The following EPS8 variants were observed in gnomAD, a reference collection of about 807,000 sequenced individuals.
The protein encoded by EPS8 is epidermal growth factor receptor kinase substrate 8.
A neutral mutation model predicts 103.8 loss-of-function variants in EPS8; 42 were observed. That is an observed-to-expected ratio of 0.40 (90% CI 0.32 to 0.52). EPS8 has a LOEUF of 0.52. EPS8 is among the 20% of genes least tolerant of loss of function. The pLI, the probability that EPS8 is intolerant of heterozygous loss-of-function variation, is 0.40. For synonymous variants in EPS8, 344 were observed against 344.6 expected, an observed-to-expected ratio of 1.00 and a Z score of 0.02; for missense variants, 969 against 1,005.1, an observed-to-expected ratio of 0.96 and a Z score of 0.49.
At chr12:15,658,866 CA>C (rs1945554394) in intron 10 of EPS8, among the ~76,000 whole-genome samples, 1 of 152,122 alleles carries the variant, frequency 6.6e-6, no homozygotes. Flanking sequence ...GAGTAACTGA[CA>C]AGCCCTGCTC....
At chr12:15,650,412 G>T (rs757131183) in intron 14 of EPS8, among the ~76,000 whole-genome samples, 1 of 152,198 alleles carries the variant, frequency 6.6e-6, no homozygotes, top group Non-Finnish European at 1.5e-5. Context: ...ACAGGTTAGA[G>T]GATCTAGGTT....
intron 1 of EPS8, among the ~76,000 whole-genome samples, chr12:15,730,754 G>A (rs1332826628): frequency 1.3e-5 from 2 of 152,056 alleles, no homozygotes; most frequent in African/African-American, 2.4e-5. Flanking sequence ...GTTTCTAACC[G>A]CTGCTCATCT....
At chr12:15,703,652 T>C (rs1414736554) in intron 1 of EPS8, among the ~76,000 whole-genome samples, 1 of 151,636 alleles carries the variant, frequency 6.6e-6, no homozygotes, top group Non-Finnish European at 1.5e-5. Flanking sequence ...GACTTAATCT[T>C]TTAGGAGATG....
intron 1 of EPS8, chr12:15,712,820 A>C (rs550919007): frequency 1.0e-6 from 1 of 974,392 alleles, no homozygotes; most frequent in African/African-American, 1.7e-5. Flanking sequence ...CCTCCTTAGC[A>C]AAGAAAATAT....
intron 1 of EPS8, among the ~76,000 whole-genome samples, chr12:15,686,809 C>G (rs1314620127): frequency 6.6e-6 from 1 of 152,084 alleles, no homozygotes; most frequent in African/African-American, 2.4e-5. Flanking sequence ...TATTAGAAAA[C>G]TACTTACCCA....
At chr12:15,662,461 A>C in intron 8 of EPS8, 1 of 1,007,138 alleles carries the variant, frequency 9.9e-7, no homozygotes, top group Non-Finnish European at 1.2e-6. Context: ...TTTACTTCTC[A>C]AAAGCTGGTC....
At position 15,658,587 on chromosome 12, in the gene EPS8, T is replaced by C. The variant is rs763525220; in HGVS notation, c.938-2A>G. On this transcript the variant is annotated splice_acceptor_variant, in intron 10 of 20. Transcript: ENST00000281172. LOFTEE classifies it high-confidence loss of function. Reference sequence around the variant, plus strand: ...TTGCCCGCAGCGTTAAAACACCCTCTAATGAAATAAGCGAGAGGAGAGGAT... The same window carrying C: ...TTGCCCGCAGCGTTAAAACACCCTCCAATGAAATAAGCGAGAGGAGAGGAT... 6.2e-7 allele frequency: 1 copy of C among 1,602,652 alleles called. No homozygotes were observed. The highest frequency in any genetic ancestry group is 1.7e-5 in the Admixed American group (1 of 59,842).
chr12:15,670,539 C>T (rs1945797169), intron 4 of EPS8, among the ~76,000 whole-genome samples: 1 of 152,048 alleles, frequency 6.6e-6, no homozygotes, highest in African/African-American at 2.4e-5. Flanking sequence ...CTAAATTGCT[C>T]ACTGAAACTA....
intron 1 of EPS8, among the ~76,000 whole-genome samples, chr12:15,763,199 C>A (rs1439841702): frequency 6.6e-6 from 1 of 151,944 alleles, no homozygotes; most frequent in African/African-American, 2.4e-5. Flanking sequence ...TTTCCTAAGA[C>A]AGACTATAAT....
At position 15,748,255 on chromosome 12, in the gene EPS8, T is replaced by C. The variant is rs896088211; in HGVS notation, c.-22+40906A>G. Among the ~76,000 whole-genome samples, 1 of 152,150 alleles carries C rather than the reference T, an allele frequency of 6.6e-6. No individual in the cohort carries two copies. Among genetic ancestry groups the C allele is most frequent in the African/African-American group, 2.4e-5 (1 of 41,408 alleles). On this transcript the variant is annotated intron_variant, in intron 1 of 20. Coordinates refer to ENST00000281172, the MANE Select transcript of EPS8 (RefSeq NM_004447.6). The surrounding 1 kb of genome is among the most constrained non-coding windows in gnomAD (Gnocchi z 4.8). Reference sequence around the variant, plus strand: ...AAATGATATAATAATGTAAAATGTTTTGAAAACTTCGAAATTCTTCACAAA... The same window carrying C: ...AAATGATATAATAATGTAAAATGTTCTGAAAACTTCGAAATTCTTCACAAA...
chr12:15,633,452 TG>T (rs1171589365), intron 17 of EPS8, among the ~76,000 whole-genome samples: 15 of 152,326 alleles, frequency 9.8e-5, no homozygotes, highest in African/African-American at 3.6e-4. Flanking sequence ...AAAAATGCCA[TG>T]AGCCCTGCTT....
chr12:15,786,076 A>AAGTATAGG (rs1947308011), intron 1 of EPS8, among the ~76,000 whole-genome samples: 1 of 152,036 alleles, frequency 6.6e-6, no homozygotes, highest in Non-Finnish European at 1.5e-5. Flanking sequence ...TCTACTCCTT[A>AAGTATAGG]AGTATAGGCT....
intron 3 of EPS8, among the ~76,000 whole-genome samples, chr12:15,674,678 T>G (rs1945873305): frequency 6.6e-6 from 1 of 152,230 alleles, no homozygotes. Context: ...AAAGGACTTT[T>G]AAAATTTTCA....
rs1181730076 is a variant in EPS8 at position 15,690,735 on chromosome 12, GA to G, written c.-21-7764del. ...GCAAAATGTATAACTTTATGTCTAT[GA>G]AAAGTTCACGACTAAGCAGGTAAGT... On this transcript the variant is annotated intron_variant, in intron 1 of 20. Coordinates refer to ENST00000281172, the MANE Select transcript of EPS8 (RefSeq NM_004447.6). The surrounding 1 kb of genome is among the most constrained non-coding windows in gnomAD (Gnocchi z 4.7). Among the ~76,000 whole-genome samples, 3 of 152,164 alleles carry G rather than the reference GA, an allele frequency of 2.0e-5. No individual in the cohort carries two copies. The highest frequency in any genetic ancestry group is 7.2e-5 in the African/African-American group (3 of 41,446).
At chr12:15,665,936 C>A in intron 7 of EPS8, 44 bp from the exon 8 acceptor site, 2 of 1,584,652 alleles carry the variant, frequency 1.3e-6, no homozygotes, top group South Asian at 1.1e-5. Flanking sequence ...ATCTCTATTT[C>A]TATAACATAT....
At chr12:15,631,394 G>C in intron 18 of EPS8, 48 bp downstream of exon 18, 1 of 1,610,930 alleles carries the variant, frequency 6.2e-7, no homozygotes. Context: ...TTACTTAGTA[G>C]TGCTTTTAAT....
rs748143178 is a variant in EPS8, at chr12:15,658,512, G to A, written c.1011C>T (p.His337=). The A allele has an allele frequency of 2.1e-5, 34 of 1,609,760 alleles. No homozygotes were observed. Among genetic ancestry groups the A allele is most frequent in the Admixed American group, 1.2e-4 (7 of 59,946 alleles). ...EFLDCFQKFK[H]GFNLLAKLKS... ...TTTCACTTACCAGAAGGTTAAATCC[G>A]TGTTTAAACTTTTGGAAACAGTCAA... Residue 337 remains histidine (H), a synonymous_variant, in exon 11 of 21, where the codon CAC becomes CAT. Coordinates refer to ENST00000281172, the MANE Select transcript of EPS8 (RefSeq NM_004447.6).
At chr12:15,730,212 G>A (rs904383784) in intron 1 of EPS8, among the ~76,000 whole-genome samples, 1 of 152,076 alleles carries the variant, frequency 6.6e-6, no homozygotes, top group African/African-American at 2.4e-5. Context: ...CACACACAGA[G>A]TCATTTACCC....
rs765242130 is a variant in EPS8, at chr12:15,641,792, G to A, written c.1607C>T (p.Ala536Val). The A allele has an allele frequency of 6.3e-7, 1 of 1,599,060 alleles. No individual in the cohort carries two copies. The highest frequency in any genetic ancestry group is 8.5e-7 in the Non-Finnish European group (1 of 1,170,864). The part of the protein sequence containing the change: ...EPLKTQPKKY[A>V]KSKYDFVARN... ...TGCTACAAAGTCATACTTGGATTTG[G>A]CATATTTCTTGGGTTGTGTTTTGAG... Residue 536 changes from alanine to valine, a missense_variant, in exon 16 of 21, where the codon GCC becomes GTC. By Grantham distance (64) the Ala-to-Val change is moderately conservative. Coordinates refer to ENST00000281172, the MANE Select transcript of EPS8 (RefSeq NM_004447.6).
Sources: allele counts gnomAD v4.1 joint callset (sites outside exome capture counted in the v4.1 genomes callset), GRCh38; gene constraint gnomAD v4.1.1; non-coding constraint Gnocchi (gnomAD v3.1); transcripts MANE v1.5; gene names NCBI Gene and HGNC (gene_info 2026-07-23, HGNC 2026-07-21).